DNAH7: variants seen among roughly 807,000 people sequenced by gnomAD.
The protein encoded by DNAH7 is dynein axonemal heavy chain 7.
Under a neutral mutation model 444.6 loss-of-function variants are expected in DNAH7, and 397 were observed. The ratio of observed to expected loss-of-function variants is 0.89; its 90% CI spans 0.82 to 0.97. The LOEUF (loss-of-function observed/expected upper bound fraction) is 0.97, where lower values mean the gene tolerates loss of function less well. Among genes scored for constraint, DNAH7 ranks in the 50% least tolerant of loss-of-function variants. The pLI is 0.00. For missense variants in DNAH7, 4,902 were observed against 4,800.8 expected, an observed-to-expected ratio of 1.02 and a Z score of -0.62; for synonymous variants, 1,636 against 1,624.4, an observed-to-expected ratio of 1.01 and a Z score of -0.17.
Position 195,857,626 on chromosome 2 carries a change from A to AT in DNAH7, c.8164dup (p.Ile2722AsnfsTer3), listed in dbSNP as rs778977869. 6.2e-7 allele frequency: 1 copy of AT among 1,613,918 alleles called. No individual in the cohort carries two copies. The highest frequency in any genetic ancestry group is 1.1e-5 in the South Asian group (1 of 91,072). ...TTTCCCTGAACCTGTTGGGTCAGGG[A>AT]TTTTGTCAGCTTTGATTCCTTTCAA... On this transcript the variant is annotated frameshift_variant, in exon 44 of 65. Transcript: ENST00000312428. LOFTEE classifies it high-confidence loss of function.
chr2:195,781,087 A>C (rs1695352558), intron 58 of DNAH7, among the ~76,000 whole-genome samples: 1 of 150,336 alleles, frequency 6.7e-6, no homozygotes, highest in Non-Finnish European at 1.5e-5. Flanking sequence ...GAAAAAAAAA[A>C]CAAATCAAAT....
At chr2:195,944,506 A>G (rs1218994279) in intron 19 of DNAH7, among the ~76,000 whole-genome samples, 1 of 152,014 alleles carries the variant, frequency 6.6e-6, no homozygotes, top group African/African-American at 2.4e-5. Context: ...ATTTATCTAC[A>G]CCTCTGCCAA....
chr2:196,021,784 T>G (rs913762989), intron 8 of DNAH7, among the ~76,000 whole-genome samples: 1 of 152,020 alleles, frequency 6.6e-6, no homozygotes, highest in South Asian at 2.1e-4. Context: ...ATCATGCCAC[T>G]GCACTCCAAC....
intron 27 of DNAH7, chr2:195,903,365 A>G (rs559604915): frequency 6.6e-6 from 1 of 151,798 alleles, no homozygotes; most frequent in East Asian, 1.9e-4. Context: ...AGGATTTAGG[A>G]TCTACTTTGT....
chr2:195,956,687 C>A (rs1690685520), intron 19 of DNAH7, among the ~76,000 whole-genome samples: 2 of 151,584 alleles, frequency 1.3e-5, no homozygotes, highest in African/African-American at 4.8e-5. Context: ...GAACAAAAAA[C>A]GTACTTTTTT....
intron 11 of DNAH7, 109 bp from the exon 12 acceptor site, chr2:196,000,992 A>T (rs999790921): frequency 2.3e-5 from 19 of 842,976 alleles, no homozygotes; most frequent in Non-Finnish European, 3.2e-5. Flanking sequence ...TTCTCTTATG[A>T]CCCAGACAGC....
intron 19 of DNAH7, among the ~76,000 whole-genome samples, chr2:195,940,860 A>T (rs1474185641): frequency 6.6e-6 from 1 of 152,224 alleles, no homozygotes; most frequent in Non-Finnish European, 1.5e-5. Flanking sequence ...ATCATTAAAA[A>T]GTCAGGAAAC....
intron 60 of DNAH7, 107 bp downstream of exon 60, chr2:195,775,739 C>A: frequency 8.1e-7 from 1 of 1,235,598 alleles, no homozygotes. Flanking sequence ...TTAAATGTTT[C>A]TCCACTTGAA....
At chr2:196,025,885 G>C (rs1253465997) in intron 7 of DNAH7, among the ~76,000 whole-genome samples, 4 of 152,070 alleles carry the variant, frequency 2.6e-5, no homozygotes, top group Admixed American at 2.0e-4. Flanking sequence ...TTTGAACACA[G>C]CATCCGTCAT....
At chr2:195,748,171 A>G (rs1405262969) in intron 63 of DNAH7, among the ~76,000 whole-genome samples, 1 of 152,210 alleles carries the variant, frequency 6.6e-6, no homozygotes, top group Non-Finnish European at 1.5e-5. Flanking sequence ...AAAAATCACA[A>G]GCATTCTTAT....
intron 7 of DNAH7, among the ~76,000 whole-genome samples, chr2:196,025,076 G>A (rs938783741): frequency 8.5e-5 from 13 of 152,280 alleles, no homozygotes; most frequent in East Asian, 5.8e-4. Context: ...TAAAGTATAC[G>A]GGAGGATGTA....
rs766897304 is a variant in DNAH7 at position 195,864,201 on chromosome 2, C to G, written c.7454G>C (p.Arg2485Pro). Residue 2485 changes from arginine to proline, a missense_variant, in exon 41 of 65, where the codon CGT (arginine) becomes CCT (proline). Coordinates refer to ENST00000312428, the MANE Select transcript of DNAH7 (RefSeq NM_018897.3). ...MSPIGDAFRN[R>P]LRKFPALVNC... Reference sequence around the variant, plus strand: ...AACAAGAGCAGGGAACTTTCTAAGACGATTCCGAAATGCATCTCCAATGGG... The same window carrying G: ...AACAAGAGCAGGGAACTTTCTAAGAGGATTCCGAAATGCATCTCCAATGGG... 6.2e-7 allele frequency: 1 copy of G among 1,614,144 alleles called. No individual in the cohort carries two copies.
At chr2:196,003,060 G>A (rs1694142527) in intron 10 of DNAH7, among the ~76,000 whole-genome samples, 1 of 149,398 alleles carries the variant, frequency 6.7e-6, no homozygotes, top group South Asian at 2.1e-4. Flanking sequence ...AATAATAAAG[G>A]CAATGTGTCA....
At chr2:195,939,804 T>A (rs1031858646) in intron 19 of DNAH7, among the ~76,000 whole-genome samples, 1 of 151,738 alleles carries the variant, frequency 6.6e-6, no homozygotes, top group Non-Finnish European at 1.5e-5. Context: ...TATAGAGAGC[T>A]TTCTCATTTC....
At chr2:195,911,893 A>G (rs1687379954) in intron 24 of DNAH7, among the ~76,000 whole-genome samples, 1 of 152,244 alleles carries the variant, frequency 6.6e-6, no homozygotes. Flanking sequence ...AAGGCAAAGC[A>G]AGAAGCACTG....
chr2:195,865,782 C>T (rs1268458712), intron 40 of DNAH7, among the ~76,000 whole-genome samples: 1 of 151,984 alleles, frequency 6.6e-6, no homozygotes, highest in South Asian at 2.1e-4. Context: ...TTTAAGGAAG[C>T]AATTAAGGTT....
chr2:195,951,824 G>A (rs1379239409), intron 19 of DNAH7, among the ~76,000 whole-genome samples: 1 of 151,644 alleles, frequency 6.6e-6, no homozygotes, highest in Non-Finnish European at 1.5e-5. Flanking sequence ...CTATGTGTGT[G>A]CCTGCACATG....
intron 58 of DNAH7, among the ~76,000 whole-genome samples, chr2:195,779,607 GT>G (rs201455996): frequency 6.6e-5 from 10 of 151,268 alleles, no homozygotes; most frequent in Admixed American, 6.6e-4. Context: ...GTATTGTAGG[GT>G]TTTTTTTGTT....
rs1229131980 is a variant in DNAH7 at position 195,756,130 on chromosome 2, TAC to T, written c.11586+1_11586+2del. On this transcript the variant is annotated splice_donor_variant, in intron 62 of 64. Coordinates refer to ENST00000312428, the MANE Select transcript of DNAH7 (RefSeq NM_018897.3). LOFTEE classifies it high-confidence loss of function. ...CAATATACGATCATTTAGACGAACT[TAC>T]CTGCAAGAATTTTAGTCTTGCAAGG... The T allele has an allele frequency of 6.3e-7, 1 of 1,594,150 alleles. No individual in the cohort carries two copies. Among genetic ancestry groups the T allele is most frequent in the Admixed American group, 1.8e-5 (1 of 56,826 alleles).
Sources: allele counts gnomAD v4.1 joint callset (sites outside exome capture counted in the v4.1 genomes callset), GRCh38; gene constraint gnomAD v4.1.1; transcripts MANE v1.5; gene names NCBI Gene and HGNC (gene_info 2026-07-23, HGNC 2026-07-21).